MARCHF3: variants seen among roughly 807,000 people sequenced by gnomAD.
The protein encoded by MARCHF3 is membrane associated ring-CH-type finger 3, also known as E3 ubiquitin-protein ligase MARCHF3.
In MARCHF3, 13 loss-of-function variants were observed where a neutral mutation model predicts 24.2. That is an observed-to-expected ratio of 0.54 (90% CI 0.35 to 0.85). The LOEUF (loss-of-function observed/expected upper bound fraction) is 0.85, where lower values mean the gene tolerates loss of function less well. Ranked by LOEUF, MARCHF3 falls within the 40% of genes least tolerant of loss-of-function variation. The pLI is 0.01. For missense variants in MARCHF3, 276 were observed against 325.0 expected (o/e 0.85, Z 1.16); for synonymous variants, 144 against 137.3 (o/e 1.05, Z -0.34).
intron 1 of MARCHF3, among the ~76,000 whole-genome samples, chr5:126,920,582 A>G (rs899057069): frequency 2.0e-5 from 3 of 152,122 alleles, no homozygotes; most frequent in African/African-American, 2.4e-5. Flanking sequence ...AGAGGGCCAA[A>G]CACTCCCTCC....
chr5:126,900,751 G>T (rs1459065077), intron 3 of MARCHF3, among the ~76,000 whole-genome samples: 3 of 151,108 alleles, frequency 2.0e-5, no homozygotes. Context: ...GCCCAGGCTG[G>T]ACTGCAGTGG....
At chr5:126,930,095 A>G (rs1274654693) in intron 1 of MARCHF3, among the ~76,000 whole-genome samples, 1 of 152,146 alleles carries the variant, frequency 6.6e-6, no homozygotes, top group African/African-American at 2.4e-5. Context: ...CTTTATTGAA[A>G]TTAAAAAAAA....
At chr5:126,875,996 C>G (rs556188993) in intron 4 of MARCHF3, among the ~76,000 whole-genome samples, 1 of 152,158 alleles carries the variant, frequency 6.6e-6, no homozygotes, top group Admixed American at 6.5e-5. Context: ...GGATTCTAAA[C>G]GCATGCATAG....
chr5:126,996,281 G>A (rs73786282), intron 1 of MARCHF3, among the ~76,000 whole-genome samples: 7,827 of 152,206 alleles, frequency 0.051, 369 homozygotes, highest in South Asian at 0.13. Context: ...CAGTCAGGAT[G>A]CATGGAGAAC....
intron 1 of MARCHF3, among the ~76,000 whole-genome samples, chr5:126,947,635 G>C (rs556412528): frequency 6.6e-6 from 1 of 152,308 alleles, no homozygotes; most frequent in South Asian, 2.1e-4. Context: ...GTGCACAGGG[G>C]CATGGGGAAG....
At chr5:126,896,614 C>T (rs1731757505) in intron 3 of MARCHF3, among the ~76,000 whole-genome samples, 1 of 152,086 alleles carries the variant, frequency 6.6e-6, no homozygotes, top group Non-Finnish European at 1.5e-5. Context: ...ATAACTGAAG[C>T]ACCAGCTCTC....
At chr5:126,907,470 A>G (rs1445694995) in intron 3 of MARCHF3, among the ~76,000 whole-genome samples, 6 of 149,256 alleles carry the variant, frequency 4.0e-5, no homozygotes, top group Non-Finnish European at 7.4e-5. Context: ...TTTGTAGGTC[A>G]CTCAGGACTT....
intron 3 of MARCHF3, among the ~76,000 whole-genome samples, chr5:126,908,879 TGGA>T (rs2126788180): frequency 6.6e-6 from 1 of 152,328 alleles, no homozygotes; most frequent in Admixed American, 6.5e-5. Context: ...TGCGTTCCTT[TGGA>T]GGAGGAGAGG....
At chr5:126,951,180 C>T (rs1439641765) in intron 1 of MARCHF3, among the ~76,000 whole-genome samples, 1 of 152,208 alleles carries the variant, frequency 6.6e-6, no homozygotes, top group African/African-American at 2.4e-5. Context: ...TTGCGATACA[C>T]TTTCTTCACT....
chr5:126,944,934 T>C (rs547737897), intron 1 of MARCHF3, among the ~76,000 whole-genome samples: 3 of 152,232 alleles, frequency 2.0e-5, no homozygotes, highest in Non-Finnish European at 4.4e-5. Context: ...ATTCCTTCCT[T>C]AGTCATTCTT....
chr5:126,985,762 A>C (rs1030743421), intron 1 of MARCHF3, among the ~76,000 whole-genome samples: 128 of 152,322 alleles, frequency 8.4e-4, no homozygotes, highest in Non-Finnish European at 2.9e-4. Flanking sequence ...GGCGTGAGCC[A>C]CTGCGCCCGG....
chr5:127,000,317 T>C (rs1469827306), intron 1 of MARCHF3, among the ~76,000 whole-genome samples: 1 of 150,272 alleles, frequency 6.7e-6, no homozygotes, highest in Non-Finnish European at 1.5e-5. Flanking sequence ...GAAATAGAAG[T>C]TTAGGGCACA....
intron 1 of MARCHF3, among the ~76,000 whole-genome samples, chr5:126,993,140 C>T (rs761742872): frequency 5.9e-5 from 9 of 152,174 alleles, no homozygotes; most frequent in Non-Finnish European, 1.3e-4. Flanking sequence ...AGCCCTCCAA[C>T]TCAAATAGTC....
chr5:127,022,713 T>C (rs1231700889), intron 1 of MARCHF3, among the ~76,000 whole-genome samples: 1 of 152,190 alleles, frequency 6.6e-6, no homozygotes. Context: ...TACTCCTGAT[T>C]TGCAAGACCC....
At chr5:126,910,193 A>T (rs74659618) in intron 3 of MARCHF3, among the ~76,000 whole-genome samples, 2,402 of 152,296 alleles carry the variant, frequency 0.016, 66 homozygotes, top group South Asian at 0.12. Context: ...AAATCACAAC[A>T]TTGTTGAGCT....
At chr5:127,009,277 G>A (rs930645063) in intron 1 of MARCHF3, among the ~76,000 whole-genome samples, 1 of 152,162 alleles carries the variant, frequency 6.6e-6, no homozygotes, top group African/African-American at 2.4e-5. Context: ...TTGAGAAAAT[G>A]TAGGTGTACA....
At chr5:126,923,707 T>C (rs181293622) in intron 1 of MARCHF3, among the ~76,000 whole-genome samples, 129 of 152,336 alleles carry the variant, frequency 8.5e-4, no homozygotes, top group Non-Finnish European at 1.4e-3. Flanking sequence ...AGAGATCTGC[T>C]ATACCTATAG....
Position 126,872,156 on chromosome 5 carries a change from C to T in MARCHF3, c.604-1365G>A, listed in dbSNP as rs62392881. On this transcript the variant is annotated intron_variant, in intron 4 of 4. Coordinates refer to ENST00000308660, the MANE Select transcript of MARCHF3 (RefSeq NM_178450.5). ...GTGCAATGGCGCGATCTCGGCTCAC[C>T]GCAACCTCTGTCTCCCAGGTTCAAG... is the stretch of plus-strand genomic sequence containing the variant. 7.1e-4 allele frequency among the ~76,000 whole-genome samples: 105 copies of T among 148,370 alleles called. 1 individual carries two copies. The East Asian group carries it at 0.016, about 23-fold the overall frequency.
chr5:126,870,675 G>A lies in MARCHF3; in HGVS notation c.720C>T (p.Gly240=). The A allele has an allele frequency of 6.2e-7, 1 of 1,614,186 alleles. No individual in the cohort carries two copies. The highest frequency in any genetic ancestry group is 8.5e-7 in the Non-Finnish European group (1 of 1,180,044). ...TTGAGTTCCTCTTGACCGAATGGAG[G>A]CCCAGCAAGGACGGCTGGTTAGAAG... The part of the protein sequence containing the change: ...NVPSNQPSLL[G]LHSVKRNSKE... The change falls in exon 5 of 5, where the codon GGC becomes GGT. Residue 240 remains glycine, a synonymous_variant. Transcript: ENST00000308660.
Sources: gnomAD v4.1 joint callset for allele counts (sites outside exome capture counted in the v4.1 genomes callset) on GRCh38, gnomAD v4.1.1 for gene constraint, MANE v1.5 for transcripts, NCBI Gene and HGNC (gene_info 2026-07-23, HGNC 2026-07-21) for gene names.